The following ZNF709 variants were observed in gnomAD, a reference collection of about 807,000 sequenced individuals.
The protein encoded by ZNF709 is zinc finger protein 709.
In ZNF709, 15 loss-of-function variants were observed where a neutral mutation model predicts 10.6. That is an observed-to-expected ratio of 1.41 (90% CI 0.95 to 2.18). The LOEUF (loss-of-function observed/expected upper bound fraction) is 2.18. Ranked by LOEUF, ZNF709 falls within the 30% of genes most tolerant of loss-of-function variation. The probability of loss-of-function intolerance (pLI) is 0.00; values close to 1 mark genes in which losing one functional copy is unlikely to be tolerated. For synonymous variants in ZNF709, 194 were observed against 238.8 expected, an observed-to-expected ratio of 0.81 and a Z score of 1.73; for missense variants, 589 against 774.0, an observed-to-expected ratio of 0.76 and a Z score of 2.84.
intron 3 of ZNF709, 142 bp from the exon 4 acceptor site, chr19:12,465,875 G>A: frequency 1.8e-6 from 1 of 565,810 alleles, no homozygotes; most frequent in East Asian, 3.3e-5. Flanking sequence ...TGTCATGAAT[G>A]CTCAGGAAGA....
At chr19:12,484,436 T>TCGC (rs1970760137) in intron 1 of ZNF709, among the ~76,000 whole-genome samples, 1 of 152,110 alleles carries the variant, frequency 6.6e-6, no homozygotes, top group Non-Finnish European at 1.5e-5. Context: ...GGGGCCGCAG[T>TCGC]CGCCGCGCAG....
rs1242694738 is a variant in ZNF709, at chr19:12,464,884, A to C, written c.1038T>G (p.Ile346Met). The C allele has an allele frequency of 6.2e-7, 1 of 1,613,948 alleles. No homozygotes were observed. Among genetic ancestry groups the C allele is most frequent in the Non-Finnish European group, 8.5e-7 (1 of 1,179,930 alleles). ...TATGTCTTCGATAGCTTGGAAGAGA[A>C]ATGAATGCTTTCCCACATTCCTTAC... ...YDCKECGKAF[I>M]SLPSYRRHMI... Residue 346 changes from isoleucine to methionine, a missense_variant, in exon 4 of 4, where the codon ATT becomes ATG. Transcript: ENST00000397732.
At chr19:12,467,333 G>C (rs1970582442) in intron 1 of ZNF709, among the ~76,000 whole-genome samples, 1 of 152,226 alleles carries the variant, frequency 6.6e-6, no homozygotes, top group Non-Finnish European at 1.5e-5. Flanking sequence ...GGTGGAGACG[G>C]GGTTTCGCTG....
intron 1 of ZNF709, among the ~76,000 whole-genome samples, chr19:12,469,588 G>T (rs999179873): frequency 2.6e-5 from 4 of 152,092 alleles, no homozygotes; most frequent in Admixed American, 2.6e-4. Flanking sequence ...CTAACATGGT[G>T]AAACCCTGTC....
intron 1 of ZNF709, among the ~76,000 whole-genome samples, chr19:12,481,735 G>C (rs942179770): frequency 4.6e-5 from 7 of 151,944 alleles, no homozygotes; most frequent in Admixed American, 4.6e-4. Context: ...CCTGGACACA[G>C]TGAGGATCTA....
At chr19:12,470,979 A>G (rs1281895755) in intron 1 of ZNF709, among the ~76,000 whole-genome samples, 4 of 151,852 alleles carry the variant, frequency 2.6e-5, no homozygotes, top group Admixed American at 1.3e-4. Flanking sequence ...TATGGAATCA[A>G]TAGAGTATAT....
At chr19:12,467,602 A>G (rs1970586736) in intron 1 of ZNF709, among the ~76,000 whole-genome samples, 1 of 139,690 alleles carries the variant, frequency 7.2e-6, no homozygotes, top group Admixed American at 7.1e-5. Context: ...CTGGCCGCCC[A>G]TCGTCTGGGA....
chr19:12,480,870 C>A (rs1487986732), intron 1 of ZNF709, among the ~76,000 whole-genome samples: 1 of 152,044 alleles, frequency 6.6e-6, no homozygotes, highest in Non-Finnish European at 1.5e-5. Context: ...ACCTCTGCCT[C>A]CCAGGCTCAA....
Position 12,462,594 on chromosome 19 carries a change from AT to A in ZNF709, c.*1401del, listed in dbSNP as rs1452987197. On this transcript the variant is annotated 3_prime_UTR_variant, in exon 4 of 4. Coordinates refer to ENST00000397732, the MANE Select transcript of ZNF709 (RefSeq NM_152601.4). ...GCAGACTCAAAAATTTATTATGATT[AT>A]TTTTTAGCATAAAAAATAGAAAAAA... 1 of 152,160 alleles carries A rather than the reference AT, an allele frequency of 6.6e-6. No homozygotes were observed. The highest frequency in any genetic ancestry group is 1.5e-5 in the Non-Finnish European group (1 of 68,014). The allele number at this position is 152,160 out of a possible 1,614,324, so 9.4% of individuals were successfully genotyped here.
chr19:12,472,316 G>T (rs1300421123), intron 1 of ZNF709, among the ~76,000 whole-genome samples: 1 of 152,004 alleles, frequency 6.6e-6, no homozygotes, highest in African/African-American at 2.4e-5. Context: ...AAGGTCAGGA[G>T]TTCAAGACCA....
chr19:12,481,270 G>T, intron 1 of ZNF709: 1 of 776,950 alleles, frequency 1.3e-6, no homozygotes, highest in Non-Finnish European at 1.6e-6. Context: ...CTGCTCTGTT[G>T]CCCAGGCTGG....
chr19:12,466,170 A>T lies in ZNF709; in HGVS notation c.188+292T>A, dbSNP rs868843653. Among the ~76,000 whole-genome samples, 4 of 152,054 alleles carry T rather than the reference A, an allele frequency of 2.6e-5. No homozygotes were observed. The East Asian group carries it at 7.7e-4, about 29-fold the overall frequency. ...TGGCCAGGCTGGCCTCAACCTCCACACCTCAGGTGATCTGCCCACCTTGGC... is the reference window on the plus strand; with the variant it reads ...TGGCCAGGCTGGCCTCAACCTCCACTCCTCAGGTGATCTGCCCACCTTGGC... On this transcript the variant is annotated intron_variant, in intron 3 of 3. Transcript: ENST00000397732.
At chr19:12,476,770 C>T (rs1970681203) in intron 1 of ZNF709, among the ~76,000 whole-genome samples, 1 of 152,162 alleles carries the variant, frequency 6.6e-6, no homozygotes, top group African/African-American at 2.4e-5. Context: ...GAGCGGCCCT[C>T]CTTTTACCAA....
intron 1 of ZNF709, among the ~76,000 whole-genome samples, chr19:12,468,708 G>T (rs923473890): frequency 7.0e-6 from 1 of 142,088 alleles, no homozygotes; most frequent in Non-Finnish European, 1.5e-5. Flanking sequence ...AAAAAAAAAA[G>T]AAATGCTATA....
intron 3 of ZNF709, among the ~76,000 whole-genome samples, chr19:12,466,125 G>A (rs1191635581): frequency 6.6e-6 from 1 of 152,024 alleles, no homozygotes; most frequent in Non-Finnish European, 1.5e-5. Context: ...ATTTTTAGTA[G>A]AGGCAGGGTT....
intron 1 of ZNF709, among the ~76,000 whole-genome samples, chr19:12,468,219 C>T (rs574999896): frequency 6.6e-6 from 1 of 152,326 alleles, no homozygotes; most frequent in Non-Finnish European, 1.5e-5. Flanking sequence ...GAGAACGGGC[C>T]ATAATGACAA....
Position 12,465,049 on chromosome 19 carries a change from A to G in ZNF709, c.873T>C (p.Cys291=). ...QCKQCGKALS[C]PTSFRSHERI... ...TTTCATGACTTCGAAAGGATGTGGGACAACTAAGAGCTTTACCACATTGCT... is the reference window on the plus strand; with the variant it reads ...TTTCATGACTTCGAAAGGATGTGGGGCAACTAAGAGCTTTACCACATTGCT... The change falls in exon 4 of 4, where the codon TGT becomes TGC. Residue 291 remains cysteine (C), a synonymous_variant. Coordinates refer to ENST00000397732, the MANE Select transcript of ZNF709 (RefSeq NM_152601.4). 6.2e-7 allele frequency: 1 copy of G among 1,612,984 alleles called. No homozygotes were observed. Among genetic ancestry groups the G allele is most frequent in the South Asian group, 1.1e-5 (1 of 90,806 alleles).
At chr19:12,467,817 C>A (rs936317923) in intron 1 of ZNF709, among the ~76,000 whole-genome samples, 11 of 146,666 alleles carry the variant, frequency 7.5e-5, no homozygotes, top group Non-Finnish European at 1.4e-4. Context: ...GTGAGGAGTG[C>A]CTCTGCCCGG....
intron 1 of ZNF709, among the ~76,000 whole-genome samples, chr19:12,482,244 G>C (rs1970735694): frequency 6.6e-6 from 1 of 151,126 alleles, no homozygotes; most frequent in Non-Finnish European, 1.5e-5. Context: ...CAGACTAGCA[G>C]ACTGCTTCTC....
Sources: gnomAD v4.1 joint callset for allele counts (sites outside exome capture counted in the v4.1 genomes callset) on GRCh38, gnomAD v4.1.1 for gene constraint, MANE v1.5 for transcripts, NCBI Gene and HGNC (gene_info 2026-07-23, HGNC 2026-07-21) for gene names.